GAS1: variants seen among roughly 807,000 people sequenced by gnomAD.
The protein encoded by GAS1 is growth arrest-specific protein 1.
A neutral mutation model predicts 21.6 loss-of-function variants in GAS1; 10 were observed. The ratio of observed to expected loss-of-function variants is 0.46; its 90% CI spans 0.29 to 0.79. The LOEUF is 0.79. GAS1 is among the 30% of genes least tolerant of loss of function. The pLI is 0.10. For synonymous variants in GAS1, 332 were observed against 264.0 expected (o/e 1.26, Z -2.50); for missense variants, 567 against 544.3 (o/e 1.04, Z -0.42).
chr9:86,946,601 T>C lies in GAS1; in HGVS notation c.179A>G (p.Glu60Gly), dbSNP rs1418749353. Residue 60 changes from glutamate to glycine, a missense_variant, in exon 1 of 1, where the codon GAG (glutamate) becomes GGG (glycine). Glu to Gly is a moderately conservative substitution (Grantham distance 98). Transcript: ENST00000298743. The surrounding 1 kb of genome is among the most constrained non-coding windows in gnomAD (Gnocchi z 5.2). Reference sequence around the variant, plus strand: ...GTACTGGTTGTAGGCGTAGCTGCACTCCGGCTCCCCCTGGCACTGCAGCAG... The same window carrying C: ...GTACTGGTTGTAGGCGTAGCTGCACCCCGGCTCCCCCTGGCACTGCAGCAG... ...QALLQCQGEP[E>G]CSYAYNQYAE... 1.4e-6 allele frequency: 2 copies of C among 1,449,126 alleles called. No homozygotes were observed. The highest frequency in any genetic ancestry group is 2.4e-5 in the Admixed American group (1 of 42,260). The allele number at this position is 1,449,126 out of a possible 1,614,324, so 89.8% of individuals were successfully genotyped here.
chr9:86,946,855 GA>G lies in GAS1; in HGVS notation c.-77del. The G allele has an allele frequency of 1.8e-5, 8 of 443,552 alleles. No individual in the cohort carries two copies. Among genetic ancestry groups the G allele is most frequent in the South Asian group, 4.9e-5 (1 of 20,438 alleles). The allele number at this position is 443,552 out of a possible 1,614,324, so 27.5% of individuals were successfully genotyped here. ...GGGAGCGGCGGACGCGGAGCCGGTG[GA>G]AAAGTTTGTCCAAGTCCTGCCCACT... On this transcript the variant is annotated 5_prime_UTR_variant, in exon 1 of 1. Transcript: ENST00000298743. This position sits in a 1 kb window ranked among gnomAD's most constrained non-coding sequence, Gnocchi z 5.2.
rs1283494986 is a variant in GAS1 at position 86,946,138 on chromosome 9, G to T, written c.642C>A (p.Pro214=). 6.2e-7 allele frequency: 1 copy of T among 1,609,092 alleles called. No individual in the cohort carries two copies. Among genetic ancestry groups the T allele is most frequent in the African/African-American group, 1.3e-5 (1 of 75,008 alleles). The change falls in exon 1 of 1, where the codon CCC becomes CCA. Residue 214 remains proline (P), a synonymous_variant. Coordinates refer to ENST00000298743, the MANE Select transcript of GAS1 (RefSeq NM_002048.3). This position sits in a 1 kb window ranked among gnomAD's most constrained non-coding sequence, Gnocchi z 5.2. ...RTVIEDMLAM[P]KAALLNDCVC... is the part of the protein sequence containing the mutation. ...CGCAGTCGTTGAGCAGCGCCGCCTTGGGCATAGCCAGCATGTCCTCAATGA... is the reference window on the plus strand; with the variant it reads ...CGCAGTCGTTGAGCAGCGCCGCCTTTGGCATAGCCAGCATGTCCTCAATGA...
At position 86,947,318 on chromosome 9, in the gene GAS1, G is replaced by C. The variant is rs1345762771; in HGVS notation, c.-539C>G. 6.6e-6 allele frequency: 1 copy of C among 150,670 alleles called. No homozygotes were observed. Among genetic ancestry groups the C allele is most frequent in the Non-Finnish European group, 1.5e-5 (1 of 67,712 alleles). The allele number at this position is 150,670 out of a possible 1,614,324, so 9.3% of individuals were successfully genotyped here. On this transcript the variant is annotated 5_prime_UTR_variant, in exon 1 of 1. Transcript: ENST00000298743. ...CGCGCTGCCCGCCTTCCCGCGGCCC[G>C]GCCGCCCCGCGTCCCCTCCCCCTCC...
At position 86,945,729 on chromosome 9, in the gene GAS1, G is replaced by C. The variant is rs999189343; in HGVS notation, c.*13C>G. On this transcript the variant is annotated 3_prime_UTR_variant, in exon 1 of 1. Transcript: ENST00000298743. ...GCGGGCTCTCCCGCAGCCAACGGCGGGGGGCGCGAGGGCTAAAAGAGCGGC... is the reference window on the plus strand; with the variant it reads ...GCGGGCTCTCCCGCAGCCAACGGCGCGGGGCGCGAGGGCTAAAAGAGCGGC... 5.9e-6 allele frequency: 9 copies of C among 1,528,464 alleles called. No homozygotes were observed. The South Asian group carries it at 7.3e-5, about 12-fold the overall frequency. 94.7% of individuals were successfully genotyped at this position (1,528,464 alleles called of 1,614,324 possible). A position where few individuals can be genotyped will look rare whatever the true frequency, so the allele number is the denominator to read the frequency against.
chr9:86,946,418 C>T lies in GAS1; in HGVS notation c.362G>A (p.Arg121His). 1.3e-6 allele frequency: 2 copies of T among 1,490,260 alleles called. No individual in the cohort carries two copies. 92.3% of individuals were successfully genotyped at this position (1,490,260 alleles called of 1,614,324 possible). ...GTCACAGTCCTCCAGGGCGGGCCCG[C>T]GGCGCGTGTGGTTGAGCTGAATGAG... ...SALIQLNHTR[R>H]GPALEDCDCA... Residue 121 changes from arginine (R) to histidine (H), a missense_variant, in exon 1 of 1, where the codon CGC becomes CAC. Arg to His is a conservative substitution (Grantham distance 29). Transcript: ENST00000298743. The surrounding 1 kb of genome is among the most constrained non-coding windows in gnomAD (Gnocchi z 5.2).
In GAS1 at chr9:86,945,461, C is replaced by G; in HGVS notation, c.*281G>C. The stretch of plus-strand genomic sequence containing the variant: ...CTCCCGGACGTCCTGAACACTGCAG[C>G]TAGCTTTCTGGACGGCAGACGAGTT... On this transcript the variant is annotated 3_prime_UTR_variant, in exon 1 of 1. Transcript: ENST00000298743. 2.9e-6 allele frequency: 1 copy of G among 340,776 alleles called. No homozygotes were observed. Among genetic ancestry groups the G allele is most frequent in the African/African-American group, 2.2e-5 (1 of 46,086 alleles). 21.1% of individuals were successfully genotyped at this position (340,776 alleles called of 1,614,324 possible). A position where few individuals can be genotyped will look rare whatever the true frequency, so the allele number is the denominator to read the frequency against.
chr9:86,946,113 C>A lies in GAS1; in HGVS notation c.667G>T (p.Val223Leu), dbSNP rs1412508990. Residue 223 changes from valine to leucine, a missense_variant, in exon 1 of 1, where the codon GTG becomes TTG. Coordinates refer to ENST00000298743, the MANE Select transcript of GAS1 (RefSeq NM_002048.3). The surrounding 1 kb of genome is among the most constrained non-coding windows in gnomAD (Gnocchi z 5.2). Reference sequence around the variant, plus strand: ...ATGGGCCGCTCGAGGCCGTCGCACACGCAGTCGTTGAGCAGCGCCGCCTTG... The same window carrying A: ...ATGGGCCGCTCGAGGCCGTCGCACAAGCAGTCGTTGAGCAGCGCCGCCTTG... ...MPKAALLNDC[V>L]CDGLERPICE... The A allele has an allele frequency of 6.2e-7, 1 of 1,609,034 alleles. No homozygotes were observed. Among genetic ancestry groups the A allele is most frequent in the Non-Finnish European group, 8.5e-7 (1 of 1,179,676 alleles).
rs1418656911 is a variant in GAS1, at chr9:86,946,641, T to A, written c.139A>T (p.Ile47Phe). 4 of 1,447,798 alleles carry A rather than the reference T, an allele frequency of 2.8e-6. No homozygotes were observed. The highest frequency in any genetic ancestry group is 1.5e-5 in the African/African-American group (1 of 67,396). 89.7% of individuals were successfully genotyped at this position (1,447,798 alleles called of 1,614,324 possible). Reference protein sequence around the residue: ...GSGLAHGRRLICWQALLQCQG... With the variant: ...GSGLAHGRRLFCWQALLQCQG... ...CACTGCAGCAGCGCCTGCCAGCAGA[T>A]GAGGCGGCGGCCGTGCGCCAGCCCC... is the stretch of plus-strand genomic sequence containing the variant. Residue 47 changes from isoleucine to phenylalanine, a missense_variant, in exon 1 of 1, where the codon ATC becomes TTC. Transcript: ENST00000298743. The surrounding 1 kb of genome is among the most constrained non-coding windows in gnomAD (Gnocchi z 5.2).
At position 86,946,531 on chromosome 9, in the gene GAS1, G is replaced by A. The variant is rs781205733; in HGVS notation, c.249C>T (p.Asp83=). ...APVLAQHGGG[D]APGAAAAAFP... ...AAGCGGCGGCGGCGGCCCCGGGCGCGTCGCCCCCGCCGTGCTGCGCCAGCA... is the reference window on the plus strand; with the variant it reads ...AAGCGGCGGCGGCGGCCCCGGGCGCATCGCCCCCGCCGTGCTGCGCCAGCA... The change falls in exon 1 of 1, where the codon GAC becomes GAT. Residue 83 remains aspartate (D), a synonymous_variant. Transcript: ENST00000298743. This position sits in a 1 kb window ranked among gnomAD's most constrained non-coding sequence, Gnocchi z 5.2. The A allele has an allele frequency of 1.4e-6, 2 of 1,419,598 alleles. No homozygotes were observed. Among genetic ancestry groups the A allele is most frequent in the Admixed American group, 5.1e-5 (2 of 38,854 alleles). The allele number at this position is 1,419,598 out of a possible 1,614,324, so 87.9% of individuals were successfully genotyped here. A position where few individuals can be genotyped will look rare whatever the true frequency, so the allele number is the denominator to read the frequency against.
chr9:86,946,273 G>T lies in GAS1; in HGVS notation c.507C>A (p.Ala169=). 1 of 1,542,932 alleles carries T rather than the reference G, an allele frequency of 6.5e-7. No individual in the cohort carries two copies. Among genetic ancestry groups the T allele is most frequent in the Non-Finnish European group, 8.7e-7 (1 of 1,151,034 alleles). Reference sequence around the variant, plus strand: ...GGCTGTCGCGGTCGCAGCGCCGCCGGGCCTCGGTGCAGCCCATGACCCCGC... The same window carrying T: ...GGCTGTCGCGGTCGCAGCGCCGCCGTGCCTCGGTGCAGCCCATGACCCCGC... The part of the protein sequence containing the change: ...GAGGVMGCTE[A]RRRCDRDSRC... The change falls in exon 1 of 1, where the codon GCC becomes GCA. Residue 169 remains alanine, a synonymous_variant. Coordinates refer to ENST00000298743, the MANE Select transcript of GAS1 (RefSeq NM_002048.3). This position sits in a 1 kb window ranked among gnomAD's most constrained non-coding sequence, Gnocchi z 5.2.
chr9:86,945,885 C>G lies in GAS1; in HGVS notation c.895G>C (p.Gly299Arg), dbSNP rs1378388213. ...GVPHPPRPGS[G>R]AAASGGRGDL... ...CCGCGGCCGCCCGATGCAGCAGCGC[C>G]GCTGCCCGGGCGCGGTGGGTGCGGG... is the stretch of plus-strand genomic sequence containing the variant. Residue 299 changes from glycine (G) to arginine (R), a missense_variant, in exon 1 of 1, where the codon GGC (glycine) becomes CGC (arginine). Coordinates refer to ENST00000298743, the MANE Select transcript of GAS1 (RefSeq NM_002048.3). 1 of 1,508,418 alleles carries G rather than the reference C, an allele frequency of 6.6e-7. No homozygotes were observed. Among genetic ancestry groups the G allele is most frequent in the Non-Finnish European group, 8.8e-7 (1 of 1,132,790 alleles). The allele number at this position is 1,508,418 out of a possible 1,614,324, so 93.4% of individuals were successfully genotyped here. A position where few individuals can be genotyped will look rare whatever the true frequency, so the allele number is the denominator to read the frequency against.
chr9:86,945,872 G>A lies in GAS1; in HGVS notation c.908C>T (p.Ser303Leu), dbSNP rs1297267367. Reference protein sequence around the residue: ...PPRPGSGAAASGGRGDLPYGP... With the variant: ...PPRPGSGAAALGGRGDLPYGP... Reference sequence around the variant, plus strand: ...ATAGGGCAGGTCCCCGCGGCCGCCCGATGCAGCAGCGCCGCTGCCCGGGCG... The same window carrying A: ...ATAGGGCAGGTCCCCGCGGCCGCCCAATGCAGCAGCGCCGCTGCCCGGGCG... Residue 303 changes from serine (S) to leucine (L), a missense_variant, in exon 1 of 1, where the codon TCG (serine) becomes TTG (leucine). Transcript: ENST00000298743. The A allele has an allele frequency of 1.2e-5, 17 of 1,477,390 alleles. No homozygotes were observed. Among genetic ancestry groups the A allele is most frequent in the East Asian group, 5.3e-5 (2 of 37,486 alleles). 91.5% of individuals were successfully genotyped at this position (1,477,390 alleles called of 1,614,324 possible).
In GAS1 at chr9:86,945,137, G is replaced by C. The variant is rs1302299750; in HGVS notation, c.*605C>G. 6.6e-6 allele frequency: 1 copy of C among 151,954 alleles called. No individual in the cohort carries two copies. Among genetic ancestry groups the C allele is most frequent in the African/African-American group, 2.4e-5 (1 of 41,356 alleles). The allele number at this position is 151,954 out of a possible 1,614,324, so 9.4% of individuals were successfully genotyped here. A position where few individuals can be genotyped will look rare whatever the true frequency, so the allele number is the denominator to read the frequency against. ...TTTAGGGGTTCCCTCTAAGGCAATC[G>C]CCACCCACCCTCACCCCCACGTCAC... On this transcript the variant is annotated 3_prime_UTR_variant, in exon 1 of 1. Coordinates refer to ENST00000298743, the MANE Select transcript of GAS1 (RefSeq NM_002048.3).
At position 86,946,468 on chromosome 9, in the gene GAS1, G is replaced by C. The variant is rs1041660363; in HGVS notation, c.312C>G (p.Arg104=). 17 of 1,468,636 alleles carry C rather than the reference G, an allele frequency of 1.2e-5. No individual in the cohort carries two copies. In the African/African-American group the frequency reaches 2.1e-4, roughly 18 times the overall value. The allele number at this position is 1,468,636 out of a possible 1,614,324, so 91.0% of individuals were successfully genotyped here. Residue 104 remains arginine (R), a synonymous_variant, in exon 1 of 1, where the codon CGC becomes CGG. Coordinates refer to ENST00000298743, the MANE Select transcript of GAS1 (RefSeq NM_002048.3). This position sits in a 1 kb window ranked among gnomAD's most constrained non-coding sequence, Gnocchi z 5.2. ...ASAASFSSRW[R]CPSHCISALI... ...GGGCCGAGATGCAGTGACTCGGGCA[G>C]CGCCAGCGCGACGAGAAAGAGGCGG...
At position 86,947,359 on chromosome 9, in the gene GAS1, G is replaced by A. The variant is rs535513831; in HGVS notation, c.-580C>T. On this transcript the variant is annotated 5_prime_UTR_variant, in exon 1 of 1. Transcript: ENST00000298743. The stretch of plus-strand genomic sequence containing the variant: ...CTCCCCCTCCGCCCGCGGCAACCCC[G>A]GCCTCCGCAGAGCTCCGGGGAGCTC... 2.6e-4 allele frequency among the ~76,000 whole-genome samples: 40 copies of A among 151,508 alleles called. No individual in the cohort carries two copies. In the South Asian group the frequency reaches 7.1e-3, roughly 27 times the overall value.
chr9:86,945,750 G>A lies in GAS1; in HGVS notation c.1030C>T (p.Leu344Phe), dbSNP rs1825474308. Residue 344 changes from leucine (L) to phenylalanine (F), a missense_variant, in exon 1 of 1, where the codon CTC (leucine) becomes TTC (phenylalanine). Physicochemically the swap from Leu to Phe is conservative, Grantham distance 22. Transcript: ENST00000298743. The part of the protein sequence containing the change: ...ASILLLLLGP[L>F]F ...GGCGGGGGGCGCGAGGGCTAAAAGA[G>A]CGGCCCAAGCAGCAGCAGCAAGATG... The A allele has an allele frequency of 6.5e-7, 1 of 1,531,144 alleles. No individual in the cohort carries two copies. Among genetic ancestry groups the A allele is most frequent in the Admixed American group, 2.0e-5 (1 of 49,986 alleles). The allele number at this position is 1,531,144 out of a possible 1,614,324, so 94.8% of individuals were successfully genotyped here. A position where few individuals can be genotyped will look rare whatever the true frequency, so the allele number is the denominator to read the frequency against.
In GAS1 at chr9:86,946,549, C is replaced by T. The variant is rs1825494132; in HGVS notation, c.231G>A (p.Ala77=). ...CGGGCGCGTCGCCCCCGCCGTGCTG[C>T]GCCAGCACCGGCGCGCACGCCTCGG... ...QYAEACAPVL[A]QHGGGDAPGA... is the part of the protein sequence containing the mutation. The change falls in exon 1 of 1, where the codon GCG becomes GCA. Residue 77 remains alanine (A), a synonymous_variant. Transcript: ENST00000298743. The surrounding 1 kb of genome is among the most constrained non-coding windows in gnomAD (Gnocchi z 5.2). 4.3e-6 allele frequency: 6 copies of T among 1,394,226 alleles called. No individual in the cohort carries two copies. The highest frequency in any genetic ancestry group is 4.6e-6 in the Non-Finnish European group (5 of 1,077,950). The allele number at this position is 1,394,226 out of a possible 1,614,324, so 86.4% of individuals were successfully genotyped here.
At position 86,946,606 on chromosome 9, in the gene GAS1, C is replaced by T. The variant is rs976798250; in HGVS notation, c.174G>A (p.Glu58=). 5 of 1,450,120 alleles carry T rather than the reference C, an allele frequency of 3.4e-6. No individual in the cohort carries two copies. Among genetic ancestry groups the T allele is most frequent in the Non-Finnish European group, 4.5e-6 (5 of 1,103,982 alleles). 89.8% of individuals were successfully genotyped at this position (1,450,120 alleles called of 1,614,324 possible). Residue 58 remains glutamate (E), a synonymous_variant, in exon 1 of 1, where the codon GAG becomes GAA. Transcript: ENST00000298743. This position sits in a 1 kb window ranked among gnomAD's most constrained non-coding sequence, Gnocchi z 5.2. ...GGTTGTAGGCGTAGCTGCACTCCGGCTCCCCCTGGCACTGCAGCAGCGCCT... is the reference window on the plus strand; with the variant it reads ...GGTTGTAGGCGTAGCTGCACTCCGGTTCCCCCTGGCACTGCAGCAGCGCCT... ...CWQALLQCQG[E]PECSYAYNQY... is the part of the protein sequence containing the mutation.
chr9:86,946,300 C>T lies in GAS1; in HGVS notation c.480G>A (p.Ala160=), dbSNP rs1305629368. The T allele has an allele frequency of 3.5e-6, 5 of 1,408,598 alleles. No homozygotes were observed. The highest frequency in any genetic ancestry group is 4.6e-6 in the Non-Finnish European group (5 of 1,086,618). 87.3% of individuals were successfully genotyped at this position (1,408,598 alleles called of 1,614,324 possible). The change falls in exon 1 of 1, where the codon GCG becomes GCA. Residue 160 remains alanine (A), a synonymous_variant. Coordinates refer to ENST00000298743, the MANE Select transcript of GAS1 (RefSeq NM_002048.3). The surrounding 1 kb of genome is among the most constrained non-coding windows in gnomAD (Gnocchi z 5.2). ...TSGGGAGGPG[A]GGVMGCTEAR... ...CCTCGGTGCAGCCCATGACCCCGCCCGCGCCGGGGCCGCCCGCGCCGCCGC... is the reference window on the plus strand; with the variant it reads ...CCTCGGTGCAGCCCATGACCCCGCCTGCGCCGGGGCCGCCCGCGCCGCCGC...
Sources: gnomAD v4.1 joint callset for allele counts (sites outside exome capture counted in the v4.1 genomes callset) on GRCh38, gnomAD v4.1.1 for gene constraint, Gnocchi (gnomAD v3.1) non-coding constraint, MANE v1.5 for transcripts, NCBI Gene and HGNC (gene_info 2026-07-23, HGNC 2026-07-21) for gene names.